PCDH9: variants seen among roughly 807,000 people sequenced by gnomAD.
PCDH9 encodes the protein protocadherin-9.
Under a neutral mutation model 70.6 loss-of-function variants are expected in PCDH9, and 24 were observed. The ratio of observed to expected loss-of-function variants is 0.34; its 90% CI spans 0.25 to 0.48. The LOEUF (loss-of-function observed/expected upper bound fraction) is 0.48, where lower values mean the gene tolerates loss of function less well. PCDH9 is among the 20% of genes least tolerant of loss of function. The pLI, the probability that PCDH9 is intolerant of heterozygous loss-of-function variation, is 0.99. For synonymous variants in PCDH9, 562 were observed against 558.5 expected, an observed-to-expected ratio of 1.01 and a Z score of -0.09; for missense variants, 1,281 against 1,503.6, an observed-to-expected ratio of 0.85 and a Z score of 2.45.
intron 4 of PCDH9, among the ~76,000 whole-genome samples, chr13:66,495,214 T>C (rs1391318872): frequency 1.3e-5 from 2 of 152,126 alleles, no homozygotes; most frequent in Non-Finnish European, 2.9e-5. Flanking sequence ...CAATTAGAGA[T>C]TTTTGTTAGC....
At chr13:66,751,321 T>C (rs772506641) in intron 3 of PCDH9, among the ~76,000 whole-genome samples, 6 of 152,256 alleles carry the variant, frequency 3.9e-5, no homozygotes, top group Non-Finnish European at 5.9e-5. Flanking sequence ...AAATTTTCTC[T>C]GGGAGAATTG....
chr13:66,934,334 C>T (rs1369764005), intron 2 of PCDH9, among the ~76,000 whole-genome samples: 1 of 151,956 alleles, frequency 6.6e-6, no homozygotes, highest in Non-Finnish European at 1.5e-5. Flanking sequence ...GAGTTCACGA[C>T]CAGTCTGGCC....
intron 4 of PCDH9, among the ~76,000 whole-genome samples, chr13:66,483,745 G>A (rs1228486663): frequency 2.0e-5 from 3 of 152,144 alleles, no homozygotes; most frequent in African/African-American, 7.2e-5. Flanking sequence ...CCTGACTACA[G>A]CTCCAACCCC....
intron 4 of PCDH9, among the ~76,000 whole-genome samples, chr13:66,589,271 C>T (rs542261000): frequency 5.9e-5 from 9 of 151,916 alleles, no homozygotes; most frequent in Non-Finnish European, 8.8e-5. Context: ...TCAATTACAA[C>T]GAAATTGTCA....
At chr13:66,413,426 C>CCAGCA (rs1295120307) in intron 4 of PCDH9, among the ~76,000 whole-genome samples, 10 of 152,172 alleles carry the variant, frequency 6.6e-5, no homozygotes, top group Admixed American at 1.3e-4. Flanking sequence ...GTGGCTCACA[C>CCAGCA]CTGTAATTCC....
chr13:66,632,800 T>C (rs964219452), intron 3 of PCDH9, among the ~76,000 whole-genome samples: 1 of 152,070 alleles, frequency 6.6e-6, no homozygotes, highest in African/African-American at 2.4e-5. Context: ...AAAAGACCTT[T>C]CGATACCATG....
intron 3 of PCDH9, among the ~76,000 whole-genome samples, chr13:66,831,322 A>G (rs1485875664): frequency 6.6e-6 from 1 of 152,206 alleles, no homozygotes; most frequent in Non-Finnish European, 1.5e-5. Context: ...TTGACAGAGT[A>G]CTGCCTGAGA....
chr13:66,435,197 A>T (rs1957846710), intron 4 of PCDH9, among the ~76,000 whole-genome samples: 1 of 152,150 alleles, frequency 6.6e-6, no homozygotes, highest in Non-Finnish European at 1.5e-5. Context: ...ATTATTTAAA[A>T]CAGGAATTAA....
At chr13:67,079,029 G>C (rs1304065771) in intron 2 of PCDH9, among the ~76,000 whole-genome samples, 4 of 151,972 alleles carry the variant, frequency 2.6e-5, no homozygotes, top group Admixed American at 2.6e-4. Flanking sequence ...CACATGTAAG[G>C]CCAGACGCAG....
At chr13:66,874,914 A>AGTGTGT (rs36045690) in intron 3 of PCDH9, among the ~76,000 whole-genome samples, 30,269 of 136,852 alleles carry the variant, frequency 0.22, 3,540 homozygotes, top group Non-Finnish European at 0.27. Flanking sequence ...CAAAAGCAGC[A>AGTGTGT]GTGTGTGTGT....
At position 66,971,456 on chromosome 13, in the gene PCDH9, G is replaced by A. The variant is rs983269285; in HGVS notation, c.3037-67851C>T. ...CTCAAAAACATTAAATAACATCAAG[G>A]ATGAATGCATGAAAAAGTTTATATT... is the stretch of plus-strand genomic sequence containing the variant. On this transcript the variant is annotated intron_variant, in intron 2 of 4. Coordinates refer to ENST00000377865, the MANE Select transcript of PCDH9 (RefSeq NM_203487.3). 3.3e-5 allele frequency among the ~76,000 whole-genome samples: 5 copies of A among 152,016 alleles called. No individual in the cohort carries two copies. In the East Asian group the frequency reaches 9.7e-4, roughly 29 times the overall value.
At chr13:66,516,144 A>T (rs2138596344) in intron 4 of PCDH9, among the ~76,000 whole-genome samples, 1 of 152,118 alleles carries the variant, frequency 6.6e-6, no homozygotes, top group East Asian at 1.9e-4. Flanking sequence ...AATTCAATGT[A>T]ATTTTATTTT....
chr13:66,876,799 A>C (rs1386523261), intron 3 of PCDH9: 1 of 152,146 alleles, frequency 6.6e-6, no homozygotes, highest in Non-Finnish European at 1.5e-5. Flanking sequence ...ATAGTTTCAC[A>C]AATACTATTT....
chr13:67,016,366 C>A (rs1353696126), intron 2 of PCDH9, among the ~76,000 whole-genome samples: 1 of 152,176 alleles, frequency 6.6e-6, no homozygotes, highest in African/African-American at 2.4e-5. Flanking sequence ...TCAATAGAAA[C>A]TTCCCATCTT....
chr13:66,783,902 A>C (rs6650344), intron 3 of PCDH9, among the ~76,000 whole-genome samples: 6,069 of 152,236 alleles, frequency 0.04, 422 homozygotes, highest in African/African-American at 0.14. Flanking sequence ...AATTCATTTT[A>C]ATGATTGCCA....
intron 2 of PCDH9, among the ~76,000 whole-genome samples, chr13:67,025,727 T>C (rs1181004865): frequency 6.6e-6 from 1 of 152,110 alleles, no homozygotes; most frequent in Non-Finnish European, 1.5e-5. Context: ...TCTACTACCT[T>C]GAAAGTAGTG....
chr13:67,053,803 T>C (rs2085367865), intron 2 of PCDH9, among the ~76,000 whole-genome samples: 2 of 152,336 alleles, frequency 1.3e-5, no homozygotes, highest in South Asian at 4.1e-4. Flanking sequence ...GAAGCAAAAA[T>C]CTCATGATTA....
chr13:66,934,570 T>C (rs9540945), intron 2 of PCDH9, among the ~76,000 whole-genome samples: 3 of 82,780 alleles, frequency 3.6e-5, no homozygotes, highest in African/African-American at 1.2e-4. Context: ...AAAAGAAAAA[T>C]ACAAAAACTC....
intron 4 of PCDH9, among the ~76,000 whole-genome samples, chr13:66,523,735 A>T (rs1367434338): frequency 6.6e-6 from 1 of 150,484 alleles, no homozygotes; most frequent in Non-Finnish European, 1.5e-5. Context: ...ATGATTTTTT[A>T]AAAATATGAT....
Sources: allele counts gnomAD v4.1 joint callset (sites outside exome capture counted in the v4.1 genomes callset), GRCh38; gene constraint gnomAD v4.1.1; transcripts MANE v1.5; gene names NCBI Gene and HGNC (gene_info 2026-07-23, HGNC 2026-07-21).